RAP1A: variants seen among roughly 807,000 people sequenced by gnomAD.
RAP1A encodes the protein RAP1A, member of RAS oncogene family.
RAP1A carries 6 observed loss-of-function variants against 26.4 expected under a neutral mutation model. The ratio of observed to expected loss-of-function variants is 0.23; its 90% confidence interval spans 0.12 to 0.45. The LOEUF is 0.45. Ranked by LOEUF, RAP1A falls within the 20% of genes least tolerant of loss-of-function variation. The pLI, the probability that RAP1A is intolerant of heterozygous loss-of-function variation, is 0.99. For synonymous variants in RAP1A, 73 were observed against 79.4 expected (o/e 0.92, Z 0.43); for missense variants, 121 against 217.2 (o/e 0.56, Z 2.78).
At position 111,697,075 on chromosome 1, in the gene RAP1A, T is replaced by A. The variant is rs538149024; in HGVS notation, c.127-366T>A. 2.0e-5 allele frequency among the ~76,000 whole-genome samples: 3 copies of A among 152,358 alleles called. No individual in the cohort carries two copies. The South Asian group carries it at 6.2e-4, about 32-fold the overall frequency. ...CATTTAATATTTTTGTACTTTGTTT[T>A]CTTTGGAGATAATATAAATACACAT... On this transcript the variant is annotated intron_variant, in intron 3 of 7. Coordinates refer to ENST00000369709, the MANE Select transcript of RAP1A (RefSeq NM_002884.4).
intron 1 of RAP1A, among the ~76,000 whole-genome samples, chr1:111,556,829 G>A (rs1346272645): frequency 6.6e-6 from 1 of 152,018 alleles, no homozygotes; most frequent in Non-Finnish European, 1.5e-5. Context: ...AGTAATGATT[G>A]CACAACAATG....
intron 1 of RAP1A, among the ~76,000 whole-genome samples, chr1:111,660,279 G>C (rs1660589732): frequency 6.6e-6 from 1 of 152,134 alleles, no homozygotes; most frequent in Admixed American, 6.6e-5. Flanking sequence ...TGCAATTCTT[G>C]TCTCTGTTCT....
intron 1 of RAP1A, among the ~76,000 whole-genome samples, chr1:111,659,573 G>A (rs1170072890): frequency 6.6e-6 from 1 of 151,322 alleles, no homozygotes; most frequent in Non-Finnish European, 1.5e-5. Context: ...ACATTGTGCA[G>A]GTTAGTTACA....
At chr1:111,673,090 TATATTTATGTGATTTCACATTA>T (rs1661023800) in intron 1 of RAP1A, among the ~76,000 whole-genome samples, 1 of 152,204 alleles carries the variant, frequency 6.6e-6, no homozygotes, top group Admixed American at 6.5e-5. Flanking sequence ...TGTGTATTGG[TATATTTATGTGATTTCACATTA>T]CCAAAAAGTA....
intron 1 of RAP1A, among the ~76,000 whole-genome samples, chr1:111,625,135 A>C (rs1444426790): frequency 6.6e-6 from 1 of 152,200 alleles, no homozygotes; most frequent in Non-Finnish European, 1.5e-5. Flanking sequence ...AAAGCTAATA[A>C]AAGATACTAT....
intron 1 of RAP1A, among the ~76,000 whole-genome samples, chr1:111,650,858 C>T (rs1286461257): frequency 1.3e-5 from 2 of 151,794 alleles, no homozygotes; most frequent in Non-Finnish European, 2.9e-5. Context: ...TACAGTGGCG[C>T]GATCACTGCA....
Position 111,714,208 on chromosome 1 carries a change from A to G in RAP1A, c.*1807A>G, listed in dbSNP as rs893768940. ...CTTACACTTCCCTTCTACTTATCCA[A>G]TTATGCATATGTCTGGGATTGAGGG... On this transcript the variant is annotated 3_prime_UTR_variant, in exon 8 of 8. Coordinates refer to ENST00000369709, the MANE Select transcript of RAP1A (RefSeq NM_002884.4). The G allele has an allele frequency of 3.3e-5, 5 of 152,162 alleles. No homozygotes were observed. Among genetic ancestry groups the G allele is most frequent in the Admixed American group, 6.5e-5 (1 of 15,280 alleles). The allele number at this position is 152,162 out of a possible 1,614,324, so 9.4% of individuals were successfully genotyped here.
chr1:111,559,105 T>A (rs1455581894), intron 1 of RAP1A, among the ~76,000 whole-genome samples: 1 of 152,152 alleles, frequency 6.6e-6, no homozygotes, highest in Admixed American at 6.5e-5. Context: ...TTCTTTAGAA[T>A]TTGAAAATAT....
chr1:111,603,075 A>G (rs556629013), intron 1 of RAP1A, among the ~76,000 whole-genome samples: 8 of 152,264 alleles, frequency 5.3e-5, no homozygotes, highest in African/African-American at 1.7e-4. Flanking sequence ...CTACTTCCCC[A>G]CCTACCCCAT....
At chr1:111,631,930 A>G (rs1659579391) in intron 1 of RAP1A, among the ~76,000 whole-genome samples, 2 of 152,146 alleles carry the variant, frequency 1.3e-5, no homozygotes, top group Non-Finnish European at 2.9e-5. Context: ...GCTTTGCACC[A>G]TAGTGTTCAT....
intron 1 of RAP1A, among the ~76,000 whole-genome samples, chr1:111,572,941 T>G (rs775812496): frequency 1.3e-5 from 2 of 152,158 alleles, no homozygotes; most frequent in Non-Finnish European, 2.9e-5. Context: ...ATCGTTCCCC[T>G]CTTTGTGTCC....
At chr1:111,628,301 A>G (rs975822259) in intron 1 of RAP1A, among the ~76,000 whole-genome samples, 7 of 152,192 alleles carry the variant, frequency 4.6e-5, no homozygotes, top group African/African-American at 1.7e-4. Flanking sequence ...TGTGGTGAGC[A>G]GTGGCAGCAG....
rs1382700908 is a variant in RAP1A at position 111,714,529 on chromosome 1, T to C, written c.*2128T>C. On this transcript the variant is annotated 3_prime_UTR_variant, in exon 8 of 8. Coordinates refer to ENST00000369709, the MANE Select transcript of RAP1A (RefSeq NM_002884.4). ...CAGTCTATTCTATTTTAGAATGTGG[T>C]GGAGAAAGATGATAGTTATTAGATT... 6.6e-6 allele frequency: 1 copy of C among 152,170 alleles called. No homozygotes were observed. The highest frequency in any genetic ancestry group is 1.5e-5 in the Non-Finnish European group (1 of 68,030). 9.4% of individuals were successfully genotyped at this position (152,170 alleles called of 1,614,324 possible).
chr1:111,568,310 G>T (rs774115131), intron 1 of RAP1A, among the ~76,000 whole-genome samples: 12 of 152,206 alleles, frequency 7.9e-5, no homozygotes, highest in Admixed American at 6.5e-4. Flanking sequence ...GCCTCAGGGA[G>T]CTTTTGTTCA....
intron 1 of RAP1A, among the ~76,000 whole-genome samples, chr1:111,631,020 G>C (rs1367710403): frequency 1.3e-5 from 2 of 152,156 alleles, no homozygotes; most frequent in Non-Finnish European, 2.9e-5. Flanking sequence ...AAGGAATTAT[G>C]ATTAGTATTA....
chr1:111,655,525 A>G (rs185407409), intron 1 of RAP1A, among the ~76,000 whole-genome samples: 1 of 152,224 alleles, frequency 6.6e-6, no homozygotes, highest in East Asian at 1.9e-4. Context: ...TTGATAATAC[A>G]GTTAACTAAA....
chr1:111,704,402 A>G lies in RAP1A; in HGVS notation c.384A>G (p.Lys128=), dbSNP rs1164033432. 6.2e-7 allele frequency: 1 copy of G among 1,613,994 alleles called. No homozygotes were observed. Among genetic ancestry groups the G allele is most frequent in the South Asian group, 1.1e-5 (1 of 91,084 alleles). ...TGGAAGATGAGCGAGTAGTTGGCAA[A>G]GAGCAGGGCCAGAATTTAGCAAGAC... ...CDLEDERVVG[K]EQGQNLARQW... is the part of the protein sequence containing the mutation. The change falls in exon 6 of 8, where the codon AAA becomes AAG. Residue 128 remains lysine (K), a synonymous_variant. Coordinates refer to ENST00000369709, the MANE Select transcript of RAP1A (RefSeq NM_002884.4).
intron 1 of RAP1A, among the ~76,000 whole-genome samples, chr1:111,644,602 CAAAAGAAG>C (rs1660007391): frequency 6.6e-6 from 1 of 151,998 alleles, no homozygotes; most frequent in Non-Finnish European, 1.5e-5. Context: ...AGGCTGTTAC[CAAAAGAAG>C]GAGGAATACT....
upstream of RAP1A, chr1:111,542,138 A>T (rs976565386): frequency 2.6e-5 from 8 of 311,042 alleles, no homozygotes; most frequent in African/African-American, 1.8e-4. Context: ...TGTACAAAGA[A>T]CTATCATGTT....
Sources: gnomAD v4.1 joint callset for allele counts (sites outside exome capture counted in the v4.1 genomes callset) on GRCh38, gnomAD v4.1.1 for gene constraint, MANE v1.5 for transcripts, NCBI Gene and HGNC (gene_info 2026-07-23, HGNC 2026-07-21) for gene names.